Variants in DDX17 observed in about 807,000 individuals in gnomAD.
The protein encoded by DDX17 is probable ATP-dependent RNA helicase DDX17.
DDX17 carries 10 observed loss-of-function variants against 80.8 expected under a neutral mutation model. The observed-to-expected ratio is 0.12, with a 90% CI of 0.08 to 0.21. DDX17 has a LOEUF of 0.21. Ranked by LOEUF, DDX17 falls within the 10% of genes least tolerant of loss-of-function variation. The pLI is 1.00. For missense variants in DDX17, 586 were observed against 957.4 expected (o/e 0.61, Z 5.12); for synonymous variants, 339 against 336.2 (o/e 1.01, Z -0.09).
At chr22:38,495,105 T>C in intron 6 of DDX17, 59 bp from the exon 7 acceptor site, 1 of 1,533,326 alleles carries the variant, frequency 6.5e-7, no homozygotes, top group Non-Finnish European at 8.8e-7. Flanking sequence ...CACAGCTGTG[T>C]TCTAGCACTT....
In DDX17 at chr22:38,489,846, A is replaced by G. The variant is rs1339663141; in HGVS notation, c.1448-1731T>C. On this transcript the variant is annotated intron_variant, in intron 11 of 12. Coordinates refer to ENST00000403230, the MANE Select transcript of DDX17 (RefSeq NM_006386.5). This position sits in a 1 kb window ranked among gnomAD's most constrained non-coding sequence, Gnocchi z 4.6. ...TACAGGGCCAGGGTGGATGTAAGACAGGGGGTGGGGAATTCTACTCCATGG... is the reference window on the plus strand; with the variant it reads ...TACAGGGCCAGGGTGGATGTAAGACGGGGGGTGGGGAATTCTACTCCATGG... 1 of 985,910 alleles carries G rather than the reference A, an allele frequency of 1.0e-6. No individual in the cohort carries two copies. The highest frequency in any genetic ancestry group is 1.2e-6 in the Non-Finnish European group (1 of 830,324). The allele number at this position is 985,910 out of a possible 1,614,324, so 61.1% of individuals were successfully genotyped here.
rs201933513 is a variant in DDX17, at chr22:38,495,783, T to C, written c.880+13A>G. On this transcript the variant is annotated intron_variant, in intron 6 of 12. Coordinates refer to ENST00000403230, the MANE Select transcript of DDX17 (RefSeq NM_006386.5). ...AGATAAACTAACAATTCTTTTACAC[T>C]ATATATTATTACCTCTTTCCAAGTC... 5.8e-6 allele frequency: 9 copies of C among 1,561,036 alleles called. No homozygotes were observed. Among genetic ancestry groups the C allele is most frequent in the South Asian group, 4.9e-5 (4 of 81,078 alleles).
At position 38,486,126 on chromosome 22, in the gene DDX17, A is replaced by T; in HGVS notation, c.1999T>A (p.Ser667Thr). Residue 667 changes from serine (S) to threonine (T), a missense_variant, in exon 13 of 13, where the codon TCA becomes ACA. Physicochemically the swap from Ser to Thr is moderately conservative, Grantham distance 58. This residue lies in a region of DDX17 where 221 missense variants were observed against 261.4 expected (regional missense o/e 0.85). Coordinates refer to ENST00000403230, the MANE Select transcript of DDX17 (RefSeq NM_006386.5). ...GAGCTCTGTGAACTTCTCCCAGTTG[A>T]GGTGGTGCTACTAGCTCCATAAGTG... 2 of 1,614,164 alleles carry T rather than the reference A, an allele frequency of 1.2e-6. No homozygotes were observed. Among genetic ancestry groups the T allele is most frequent in the South Asian group, 2.2e-5 (2 of 91,090 alleles).
chr22:38,487,294 A>C (rs967739987), intron 12 of DDX17, among the ~76,000 whole-genome samples: 9 of 151,764 alleles, frequency 5.9e-5, no homozygotes, highest in African/African-American at 2.2e-4. Flanking sequence ...CAGGAGTTCG[A>C]GACCAGCCAG....
rs1436838321 is a variant in DDX17, at chr22:38,485,692, ATATT to A, written c.*239_*242del. ...TCCAGTCAGCTATATATATATATAT[ATATT>A]TTTTTTTTTTTTACAAAATGTTATT... On this transcript the variant is annotated 3_prime_UTR_variant, in exon 13 of 13. Coordinates refer to ENST00000403230, the MANE Select transcript of DDX17 (RefSeq NM_006386.5). The A allele has an allele frequency of 0.011, 714 of 63,950 alleles. 2 individuals carry two copies. Among genetic ancestry groups the A allele is most frequent in the Admixed American group, 0.031 (141 of 4,504 alleles). 4.0% of individuals were successfully genotyped at this position (63,950 alleles called of 1,614,324 possible).
intron 1 of DDX17, among the ~76,000 whole-genome samples, chr22:38,502,085 G>C (rs369733816): frequency 2.0e-5 from 3 of 152,232 alleles, no homozygotes; most frequent in Non-Finnish European, 4.4e-5. Flanking sequence ...AGGACTGGTA[G>C]ACTGGTCTTC....
intron 8 of DDX17, 156 bp downstream of exon 8, chr22:38,494,457 GCATTTAACCATAATGCT>G: frequency 1.5e-6 from 1 of 684,278 alleles, no homozygotes; most frequent in Non-Finnish European, 2.4e-6. Flanking sequence ...CAGAATCCTT[GCATTTAACCATAATGCT>G]CTGACAAATG....
intron 2 of DDX17, 83 bp downstream of exon 2, chr22:38,501,047 C>A: frequency 2.0e-6 from 3 of 1,469,242 alleles, no homozygotes; most frequent in Non-Finnish European, 2.7e-6. Context: ...TGTAAAACGG[C>A]AACAGTAGCG....
chr22:38,504,389 T>C (rs1334793526), intron 1 of DDX17, among the ~76,000 whole-genome samples: 2 of 152,214 alleles, frequency 1.3e-5, no homozygotes, highest in Admixed American at 1.3e-4. Flanking sequence ...AACTTTTCTG[T>C]ACAAGGATCC....
At chr22:38,499,351 C>T (rs1353128662) in intron 3 of DDX17, 49 bp downstream of exon 3, 2 of 1,434,914 alleles carry the variant, frequency 1.4e-6, no homozygotes, top group Non-Finnish European at 2.0e-6. Context: ...CCTTGTCTCC[C>T]ATTCAACCCA....
At position 38,498,597 on chromosome 22, in the gene DDX17, T is replaced by C. The variant is rs1602681489; in HGVS notation, c.539-24A>G. On this transcript the variant is annotated intron_variant, in intron 3 of 12. Coordinates refer to ENST00000403230, the MANE Select transcript of DDX17 (RefSeq NM_006386.5). ...TTCTGTAAGAGAATTTTATTTTGCG[T>C]ATTTTATTGTGTTTAAAGACACAAA... 5.0e-6 allele frequency: 8 copies of C among 1,612,126 alleles called. No individual in the cohort carries two copies. In the East Asian group the frequency reaches 8.9e-5, roughly 18 times the overall value.
intron 4 of DDX17, 116 bp from the exon 5 acceptor site, chr22:38,498,266 G>C (rs938694666): frequency 2.2e-6 from 3 of 1,380,146 alleles, no homozygotes; most frequent in Admixed American, 2.2e-5. Flanking sequence ...ACTTACCACT[G>C]CTATATACAG....
Position 38,488,003 on chromosome 22 carries a change from G to A in DDX17, c.1560C>T (p.Thr520=), listed in dbSNP as rs758741879. The A allele has an allele frequency of 6.2e-7, 1 of 1,614,200 alleles. No individual in the cohort carries two copies. Among genetic ancestry groups the A allele is most frequent in the South Asian group, 1.1e-5 (1 of 91,086 alleles). Residue 520 remains threonine, a synonymous_variant, in exon 12 of 13, where the codon ACC becomes ACT. Transcript: ENST00000403230. Reference sequence around the variant, plus strand: ...GTTTTAGGTTCCCTGGGGTGAAGAAGGTATAGGCGGTACCCTTGTTGGTGC... The same window carrying A: ...GTTTTAGGTTCCCTGGGGTGAAGAAAGTATAGGCGGTACCCTTGTTGGTGC...
chr22:38,490,397 CG>C, intron 11 of DDX17: 1 of 1,289,220 alleles, frequency 7.8e-7, no homozygotes, highest in Non-Finnish European at 1.0e-6. Flanking sequence ...AGATTTGTCT[CG>C]GCCATGTATT....
intron 8 of DDX17, 148 bp downstream of exon 8, chr22:38,494,482 A>C: frequency 1.4e-6 from 1 of 735,384 alleles, no homozygotes; most frequent in Non-Finnish European, 2.2e-6. Context: ...GCTCTGACAA[A>C]TGATATGATG....
rs747083656 is a variant in DDX17, at chr22:38,486,226, G to A, written c.1899C>T (p.Tyr633=). Reference sequence around the variant, plus strand: ...CCCCATAGGTGCCTTGACCATAGGTGTATTGGCCTGCTTGTGCTCCAAAGG... The same window carrying A: ...CCCCATAGGTGCCTTGACCATAGGTATATTGGCCTGCTTGTGCTCCAAAGG... The change falls in exon 13 of 13, where the codon TAC becomes TAT. Residue 633 remains tyrosine, a synonymous_variant. Coordinates refer to ENST00000403230, the MANE Select transcript of DDX17 (RefSeq NM_006386.5). 2 of 1,614,202 alleles carry A rather than the reference G, an allele frequency of 1.2e-6. No homozygotes were observed. The highest frequency in any genetic ancestry group is 4.5e-5 in the East Asian group (2 of 44,894).
chr22:38,490,101 G>A (rs1283803626), intron 11 of DDX17: 3 of 1,132,076 alleles, frequency 2.7e-6, no homozygotes, highest in African/African-American at 1.6e-5. Context: ...TGTCCTGTGT[G>A]TGCATGCACA....
Position 38,499,383 on chromosome 22 carries a change from G to A in DDX17, c.538+17C>T. On this transcript the variant is annotated intron_variant, in intron 3 of 12. Transcript: ENST00000403230. ...CCCAATTTAACAAATTAAGGTTCTAGATTGAAGAACACTTACGTGGGAAGT... is the reference window on the plus strand; with the variant it reads ...CCCAATTTAACAAATTAAGGTTCTAAATTGAAGAACACTTACGTGGGAAGT... 1 of 1,596,366 alleles carries A rather than the reference G, an allele frequency of 6.3e-7. No homozygotes were observed. The highest frequency in any genetic ancestry group is 8.6e-7 in the Non-Finnish European group (1 of 1,163,908).
chr22:38,495,737 T>C, intron 6 of DDX17, 59 bp downstream of exon 6: 1 of 1,351,102 alleles, frequency 7.4e-7, no homozygotes, highest in African/African-American at 1.5e-5. Context: ...TCCAATTTCC[T>C]CCACAGGAAT....
Sources: gnomAD v4.1 joint callset for allele counts (sites outside exome capture counted in the v4.1 genomes callset) on GRCh38, gnomAD v4.1.1 for gene constraint, gnomAD v4.1.1 regional missense constraint, Gnocchi (gnomAD v3.1) non-coding constraint, MANE v1.5 for transcripts, NCBI Gene and HGNC (gene_info 2026-07-23, HGNC 2026-07-21) for gene names.